FAXDC2: variants seen among roughly 807,000 people sequenced by gnomAD.
FAXDC2 encodes fatty acid hydroxylase domain-containing protein 2.
A neutral mutation model predicts 40.9 loss-of-function variants in FAXDC2; 41 were observed. The observed-to-expected ratio is 1.00, with a 90% CI of 0.78 to 1.30. The LOEUF is 1.30. FAXDC2 is among the 50% of genes most tolerant of loss of function. FAXDC2 has a pLI of 0.00. For synonymous variants in FAXDC2, 157 were observed against 149.3 expected, an observed-to-expected ratio of 1.05 and a Z score of -0.38; for missense variants, 390 against 408.8, an observed-to-expected ratio of 0.95 and a Z score of 0.40.
Position 154,821,295 on chromosome 5 carries a change from C to T in FAXDC2, c.810G>A (p.Leu270=), listed in dbSNP as rs773906288. 1.9e-6 allele frequency: 3 copies of T among 1,611,394 alleles called. No individual in the cohort carries two copies. In the South Asian group the frequency reaches 3.3e-5, roughly 18 times the overall value. The change falls in exon 8 of 9, where the codon CTG becomes CTA. Residue 270 remains leucine, a synonymous_variant. Coordinates refer to ENST00000326080, the MANE Select transcript of FAXDC2 (RefSeq NM_032385.5). ...GGTAGTCGTGGAATTCAGGCGAAGG[C>T]AGGAAGGGAAGGTGGTAGCCACAGT... ...ISHCGYHLPF[L]PSPEFHDYHH...
chr5:154,835,576 CTTTTT>C (rs1019461860), intron 2 of FAXDC2, among the ~76,000 whole-genome samples: 3 of 151,992 alleles, frequency 2.0e-5, no homozygotes, highest in Admixed American at 2.0e-4. Context: ...CGTTTTCTGA[CTTTTT>C]TTGTTTTTTT....
intron 5 of FAXDC2, among the ~76,000 whole-genome samples, chr5:154,827,421 TTG>T (rs10528622): frequency 0.012 from 1,686 of 138,620 alleles, 17 homozygotes; most frequent in African/African-American, 0.024. Flanking sequence ...TTCTGTTATT[TTG>T]TGTGTGTGTG....
Position 154,821,428 on chromosome 5 carries a change from T to A in FAXDC2, c.679-2A>T. 2 of 1,610,090 alleles carry A rather than the reference T, an allele frequency of 1.2e-6. No homozygotes were observed. The highest frequency in any genetic ancestry group is 1.7e-6 in the Non-Finnish European group (2 of 1,178,310). On this transcript the variant is annotated splice_acceptor_variant, in intron 7 of 8. Transcript: ENST00000326080. LOFTEE classifies it high-confidence loss of function. The stretch of plus-strand genomic sequence containing the variant: ...TATCACCGGTAGCATGTTGGAGACC[T>A]GCAAGAGGAGGGATGATTGAAGGCA...
At chr5:154,829,656 T>A (rs1004822971) in intron 5 of FAXDC2, 4 of 154,404 alleles carry the variant, frequency 2.6e-5, no homozygotes, top group African/African-American at 9.6e-5. Context: ...GAGAGCCAAT[T>A]AAGAATGTGA....
intron 4 of FAXDC2, among the ~76,000 whole-genome samples, chr5:154,831,920 G>A (rs1760202732): frequency 6.6e-6 from 1 of 152,002 alleles, no homozygotes; most frequent in Admixed American, 6.5e-5. Context: ...AGTAGGGAAG[G>A]GACTAAACAG....
intron 1 of FAXDC2, among the ~76,000 whole-genome samples, chr5:154,842,532 T>G (rs1472621187): frequency 7.6e-6 from 1 of 131,184 alleles, no homozygotes; most frequent in Non-Finnish European, 1.6e-5. Flanking sequence ...TTTTTTTTTT[T>G]TTTTTTTTGA....
chr5:154,836,382 A>G (rs566754029), intron 2 of FAXDC2: 2 of 152,370 alleles, frequency 1.3e-5, no homozygotes, highest in African/African-American at 2.4e-5. Flanking sequence ...CTCGATGACC[A>G]AACAATGCCC....
In FAXDC2 at chr5:154,820,198, C is replaced by G. The variant is rs1170678129; in HGVS notation, c.*118G>C. ...TCCGGGAAGCCGACCTTCCCTCTAC[C>G]CTGGTGGTGCCATCATTAGGGCGTG... On this transcript the variant is annotated 3_prime_UTR_variant, in exon 9 of 9. Coordinates refer to ENST00000326080, the MANE Select transcript of FAXDC2 (RefSeq NM_032385.5). 11 of 811,278 alleles carry G rather than the reference C, an allele frequency of 1.4e-5. No individual in the cohort carries two copies. The East Asian group carries it at 3.0e-4, about 22-fold the overall frequency. The allele number at this position is 811,278 out of a possible 1,614,324, so 50.3% of individuals were successfully genotyped here.
At chr5:154,835,673 C>T (rs182412272) in intron 2 of FAXDC2, among the ~76,000 whole-genome samples, 116 of 151,706 alleles carry the variant, frequency 7.6e-4, no homozygotes, top group African/African-American at 2.6e-3. Context: ...CTCCGCCTCC[C>T]GGGTTCATGC....
chr5:154,842,862 T>A (rs1236501584), intron 1 of FAXDC2, among the ~76,000 whole-genome samples: 1 of 149,696 alleles, frequency 6.7e-6, no homozygotes, highest in African/African-American at 2.5e-5. Context: ...AGATATAGGG[T>A]CTTGCTATAT....
At chr5:154,838,902 A>G (rs1760417278) in intron 1 of FAXDC2, 1 of 152,182 alleles carries the variant, frequency 6.6e-6, no homozygotes, top group Non-Finnish European at 1.5e-5. Context: ...TTGGTTTAAA[A>G]ACATGGACCA....
In FAXDC2 at chr5:154,818,790, G is replaced by A. The variant is rs916675951; in HGVS notation, c.*1526C>T. ...TACCCTTCTCTTTAAGCATATTGAAGATGGACTTTTTTCCAAATGTTTATT... is the reference window on the plus strand; with the variant it reads ...TACCCTTCTCTTTAAGCATATTGAAAATGGACTTTTTTCCAAATGTTTATT... On this transcript the variant is annotated 3_prime_UTR_variant, in exon 9 of 9. Transcript: ENST00000326080. 6.6e-6 allele frequency: 1 copy of A among 152,230 alleles called. No individual in the cohort carries two copies. The highest frequency in any genetic ancestry group is 2.4e-5 in the African/African-American group (1 of 41,450). The allele number at this position is 152,230 out of a possible 1,614,324, so 9.4% of individuals were successfully genotyped here.
intron 1 of FAXDC2, among the ~76,000 whole-genome samples, chr5:154,842,514 T>TG (rs1760500333): frequency 1.2e-5 from 1 of 86,736 alleles, no homozygotes; most frequent in Non-Finnish European, 2.3e-5. Flanking sequence ...CTTTGTGTGT[T>TG]TTTTTTTTTT....
intron 5 of FAXDC2, among the ~76,000 whole-genome samples, chr5:154,826,527 TAAAAAA>T (rs764669604): frequency 9.8e-6 from 1 of 101,524 alleles, no homozygotes; most frequent in African/African-American, 3.5e-5. Flanking sequence ...AGACTGTCTC[TAAAAAA>T]AAAAAAAAAA....
chr5:154,835,620 G>A lies in FAXDC2; in HGVS notation c.49-686C>T, dbSNP rs2461849. On this transcript the variant is annotated intron_variant, in intron 2 of 8. Coordinates refer to ENST00000326080, the MANE Select transcript of FAXDC2 (RefSeq NM_032385.5). ...TTTTGAGACAGAGTCTCGCTCTGTC[G>A]CCCAGGCTGGAGTGCAGTGGCACGA... 4.6e-5 allele frequency among the ~76,000 whole-genome samples: 7 copies of A among 151,920 alleles called. No individual in the cohort carries two copies. The East Asian group carries it at 5.8e-4, about 13-fold the overall frequency.
Position 154,834,824 on chromosome 5 carries a change from C to G in FAXDC2, c.140+19G>C, listed in dbSNP as rs372842921. On this transcript the variant is annotated intron_variant, in intron 3 of 8. Coordinates refer to ENST00000326080, the MANE Select transcript of FAXDC2 (RefSeq NM_032385.5). Reference sequence around the variant, plus strand: ...CGACCACCACCACACTGCACCCTAGCTGGGTGGAGCCGACTTACCATGTCA... The same window carrying G: ...CGACCACCACCACACTGCACCCTAGGTGGGTGGAGCCGACTTACCATGTCA... The G allele has an allele frequency of 1.9e-6, 3 of 1,603,890 alleles. No individual in the cohort carries two copies. The African/African-American group carries it at 4.0e-5, about 21-fold the overall frequency.
At chr5:154,825,664 A>AAAAAAAAAAAAAAAAAAAAAAAC in intron 5 of FAXDC2, among the ~76,000 whole-genome samples, 1 of 147,390 alleles carries the variant, frequency 6.8e-6, no homozygotes, top group Non-Finnish European at 1.5e-5. Flanking sequence ...AAAAAAAAAA[A>AAAAAAAAAAAAAAAAAAAAAAAC]AAAAGCAGTA....
intron 1 of FAXDC2, among the ~76,000 whole-genome samples, chr5:154,844,133 G>T (rs1010504688): frequency 9.2e-5 from 14 of 151,958 alleles, no homozygotes; most frequent in Admixed American, 7.2e-4. Flanking sequence ...CAGGAAAATT[G>T]CTTGAACCCA....
At chr5:154,836,383 A>C (rs765431408) in intron 2 of FAXDC2, 1 of 152,246 alleles carries the variant, frequency 6.6e-6, no homozygotes, top group South Asian at 2.1e-4. Flanking sequence ...TCGATGACCA[A>C]ACAATGCCCC....
Sources: allele counts gnomAD v4.1 joint callset (sites outside exome capture counted in the v4.1 genomes callset), GRCh38; gene constraint gnomAD v4.1.1; transcripts MANE v1.5; gene names NCBI Gene and HGNC (gene_info 2026-07-23, HGNC 2026-07-21).